WHR1: variants seen among roughly 807,000 people sequenced by gnomAD.
WHR1 encodes the protein winged helix repair factor 1.
chr6:31,976,913 G>C, the WHR1 span, among the ~76,000 whole-genome samples: 1 of 152,252 alleles, frequency 6.6e-6, no homozygotes, highest in Non-Finnish European at 1.5e-5. Flanking sequence ...GCGTGGCGGC[G>C]CGCGCCTGCA....
the WHR1 span, chr6:31,980,680 C>T: frequency 6.2e-6 from 10 of 1,604,460 alleles, 1 homozygote; most frequent in African/African-American, 2.7e-5. Context: ...TAGCATGGTC[C>T]GGAAGGCAAA....
the WHR1 span, among the ~76,000 whole-genome samples, chr6:31,976,031 G>C: frequency 6.0e-5 from 9 of 149,256 alleles, no homozygotes; most frequent in South Asian, 2.1e-4. Context: ...TGGCCGGGCG[G>C]GGGGGGCTGA....
the WHR1 span, chr6:31,980,403 G>T: frequency 2.7e-5 from 41 of 1,515,054 alleles, no homozygotes; most frequent in Non-Finnish European, 3.5e-5. Flanking sequence ...AGGAGAGATG[G>T]TTCTCAGAGC....
chr6:31,971,411 G>C, the WHR1 span: 4 of 1,605,956 alleles, frequency 2.5e-6, no homozygotes, highest in Non-Finnish European at 3.4e-6. This position sits in a 1 kb window ranked among gnomAD's most constrained non-coding sequence, Gnocchi z 4.5. Context: ...TATCGATCCG[G>C]GTATCCGTCT....
At chr6:31,976,796 C>T in the WHR1 span, among the ~76,000 whole-genome samples, 1 of 152,264 alleles carries the variant, frequency 6.6e-6, no homozygotes, top group South Asian at 2.1e-4. Flanking sequence ...AATCGCGGCA[C>T]CTCCGGAGGC....
the WHR1 span, chr6:31,972,141 G>A: frequency 5.0e-6 from 8 of 1,612,920 alleles, no homozygotes; most frequent in Non-Finnish European, 6.8e-6. This position sits in a 1 kb window ranked among gnomAD's most constrained non-coding sequence, Gnocchi z 6.3. Context: ...CCGCCAACGA[G>A]TCCCCGGGCG....
chr6:31,975,406 TTGGCCATAA>T, the WHR1 span, among the ~76,000 whole-genome samples: 1 of 152,070 alleles, frequency 6.6e-6, no homozygotes, highest in Non-Finnish European at 1.5e-5. Flanking sequence ...TTTCATCATG[TTGGCCATAA>T]TGGTCTTGAT....
chr6:31,971,618 TC>T, the WHR1 span: 1 of 1,612,834 alleles, frequency 6.2e-7, no homozygotes, highest in South Asian at 1.1e-5. This position sits in a 1 kb window ranked among gnomAD's most constrained non-coding sequence, Gnocchi z 4.5. Context: ...GGTAGTTTGT[TC>T]CGAGGCTCAG....
chr6:31,975,947 C>T, the WHR1 span, among the ~76,000 whole-genome samples: 4 of 148,064 alleles, frequency 2.7e-5, no homozygotes, highest in African/African-American at 5.0e-5. Context: ...GGCGGCTGGC[C>T]GGGCAGAGGG....
At chr6:31,980,382 A>T in the WHR1 span, 1 of 1,377,484 alleles carries the variant, frequency 7.3e-7, no homozygotes, top group Non-Finnish European at 1.0e-6. Flanking sequence ...TGTAAACATT[A>T]ATGGATGAGG....
chr6:31,979,401 T>C, the WHR1 span: 2 of 1,612,710 alleles, frequency 1.2e-6, no homozygotes, highest in African/African-American at 2.7e-5. Context: ...ATGTCTCTCA[T>C]CTCTGCTTGT....
At chr6:31,972,150 C>A in the WHR1 span, 1 of 1,612,894 alleles carries the variant, frequency 6.2e-7, no homozygotes, top group Non-Finnish European at 8.5e-7. The surrounding 1 kb of genome is among the most constrained non-coding windows in gnomAD (Gnocchi z 6.3). Context: ...AGTCCCCGGG[C>A]GTGCGTGCCC....
At chr6:31,973,007 C>A in the WHR1 span, 1 of 716,964 alleles carries the variant, frequency 1.4e-6, no homozygotes, top group East Asian at 2.7e-5. Context: ...ACATACAGCG[C>A]TGGGAGTGCA....
At chr6:31,972,322 G>T in the WHR1 span, 5 of 1,613,010 alleles carry the variant, frequency 3.1e-6, no homozygotes, top group Non-Finnish European at 4.2e-6. This position sits in a 1 kb window ranked among gnomAD's most constrained non-coding sequence, Gnocchi z 6.3. Flanking sequence ...CGGGGAGACC[G>T]TACGTCACTG....
At chr6:31,978,905 G>T in the WHR1 span, 1 of 1,612,686 alleles carries the variant, frequency 6.2e-7, no homozygotes, top group Non-Finnish European at 8.5e-7. Context: ...GGAGACAGAA[G>T]GAGCTTCAAG....
the WHR1 span, among the ~76,000 whole-genome samples, chr6:31,978,300 A>AT: frequency 6.6e-6 from 1 of 150,858 alleles, no homozygotes; most frequent in Non-Finnish European, 1.5e-5. Flanking sequence ...CTGTTTTTAC[A>AT]TTTTTTGTAG....
chr6:31,978,857 T>A, the WHR1 span: 4 of 1,589,316 alleles, frequency 2.5e-6, no homozygotes, highest in Non-Finnish European at 3.5e-6. Context: ...TAGCAGAGCA[T>A]CTTACCCTGA....
At chr6:31,979,380 G>A in the WHR1 span, 8 of 1,611,828 alleles carry the variant, frequency 5.0e-6, no homozygotes, top group Non-Finnish European at 6.8e-6. Flanking sequence ...GAGTGAGGGT[G>A]GGGATGGACC....
the WHR1 span, chr6:31,972,137 A>G: frequency 2.5e-6 from 4 of 1,612,968 alleles, no homozygotes; most frequent in Non-Finnish European, 3.4e-6. The surrounding 1 kb of genome is among the most constrained non-coding windows in gnomAD (Gnocchi z 6.3). Flanking sequence ...CACGCCGCCA[A>G]CGAGTCCCCG....
Sources: allele counts gnomAD v4.1 joint callset (sites outside exome capture counted in the v4.1 genomes callset), GRCh38; gene constraint gnomAD v4.1.1; non-coding constraint Gnocchi (gnomAD v3.1); transcripts MANE v1.5; gene names NCBI Gene and HGNC (gene_info 2026-07-23, HGNC 2026-07-21).